Variants in WDR59 observed in about 807,000 individuals in gnomAD.
WDR59 encodes the protein WD repeat domain 59, also known as GATOR2 complex protein WDR59.
In WDR59, 100 loss-of-function variants were observed where a neutral mutation model predicts 131.2. The ratio of observed to expected loss-of-function variants is 0.76; its 90% CI spans 0.65 to 0.90. The LOEUF (loss-of-function observed/expected upper bound fraction) is 0.90, where lower values mean the gene tolerates loss of function less well. WDR59 is among the 40% of genes least tolerant of loss of function. WDR59 has a pLI of 0.00. For synonymous variants in WDR59, 601 were observed against 466.2 expected (o/e 1.29, Z -3.72); for missense variants, 1,203 against 1,262.2 (o/e 0.95, Z 0.71).
Position 74,874,072 on chromosome 16 carries a change from T to C in WDR59, c.*137A>G, listed in dbSNP as rs1296791273. 2.9e-6 allele frequency: 2 copies of C among 687,164 alleles called. No homozygotes were observed. The highest frequency in any genetic ancestry group is 1.8e-5 in the African/African-American group (1 of 55,310). 42.6% of individuals were successfully genotyped at this position (687,164 alleles called of 1,614,324 possible). On this transcript the variant is annotated 3_prime_UTR_variant, in exon 26 of 26. Transcript: ENST00000262144. ...GCAGAGGCCCACCAAGAGCTGATGC[T>C]GCGCAGTCCTTGGGGGATCATCCTC...
intron 5 of WDR59, among the ~76,000 whole-genome samples, chr16:74,949,372 G>A (rs1183207124): frequency 6.8e-6 from 1 of 146,186 alleles, no homozygotes; most frequent in East Asian, 2.0e-4. Flanking sequence ...AAGAAAGAGA[G>A]GAAGGAAGGA....
chr16:74,955,605 T>C (rs1000391748), intron 3 of WDR59, among the ~76,000 whole-genome samples: 4 of 152,120 alleles, frequency 2.6e-5, no homozygotes, highest in African/African-American at 9.7e-5. Context: ...GCAGACTCTA[T>C]TTTGGAAATA....
rs201735826 is a variant in WDR59, at chr16:74,912,302, T to G, written c.1285A>C (p.Met429Leu). 9.9e-6 allele frequency: 16 copies of G among 1,614,180 alleles called. No homozygotes were observed. Among genetic ancestry groups the G allele is most frequent in the Non-Finnish European group, 1.3e-5 (15 of 1,180,032 alleles). Residue 429 changes from methionine (M) to leucine (L), a missense_variant, in exon 14 of 26, where the codon ATG (methionine) becomes CTG (leucine). By Grantham distance (15) the Met-to-Leu change is conservative. Transcript: ENST00000262144. The stretch of plus-strand genomic sequence containing the variant: ...TACTGTGCAGGGAACTTCACCAGCA[T>G]CTTGACACGATGGTTGCTGCAGTGC... ...SVHCSNHRVK[M>L]LVKFPAQYPN...
Position 74,880,845 on chromosome 16 carries a change from A to G in WDR59, c.2689+4808T>C, listed in dbSNP as rs114685236. 2.5e-3 allele frequency among the ~76,000 whole-genome samples: 378 copies of G among 152,380 alleles called. 2 individuals carry two copies. The highest frequency in any genetic ancestry group is 7.4e-3 in the African/African-American group (307 of 41,596). ...AAACTCCAAAGGTGCAGGGTCATAC[A>G]GCTCCAGTTTGTTAACCATACAACA... is the stretch of plus-strand genomic sequence containing the variant. On this transcript the variant is annotated intron_variant, in intron 25 of 25. Coordinates refer to ENST00000262144, the MANE Select transcript of WDR59 (RefSeq NM_030581.4).
intron 25 of WDR59, among the ~76,000 whole-genome samples, chr16:74,879,679 A>G (rs116646435): frequency 0.015 from 2,289 of 152,290 alleles, 41 homozygotes; most frequent in African/African-American, 0.05. Flanking sequence ...CTCTGGAAAT[A>G]GTATCTTGTT....
In WDR59 at chr16:74,966,675, C is replaced by T. The variant is rs1286933686; in HGVS notation, c.55-853G>A. Among the ~76,000 whole-genome samples the T allele has an allele frequency of 2.0e-5, 3 of 152,080 alleles. 1 individual carries two copies. The highest frequency in any genetic ancestry group is 7.2e-5 in the African/African-American group (3 of 41,420). On this transcript the variant is annotated intron_variant, in intron 1 of 25. Coordinates refer to ENST00000262144, the MANE Select transcript of WDR59 (RefSeq NM_030581.4). ...AAAGGGCATGGACTTCTCCTCAAGC[C>T]ATATGGCAGTTGGCAATATTCAGAC...
rs1053473776 is a variant in WDR59 at position 74,889,955 on chromosome 16, G to A, written c.2083-140C>T. 6.7e-6 allele frequency: 4 copies of A among 600,094 alleles called. No homozygotes were observed. In the African/African-American group the frequency reaches 7.4e-5, roughly 11 times the overall value. The allele number at this position is 600,094 out of a possible 1,614,324, so 37.2% of individuals were successfully genotyped here. A position where few individuals can be genotyped will look rare whatever the true frequency, so the allele number is the denominator to read the frequency against. On this transcript the variant is annotated intron_variant, in intron 20 of 25. Coordinates refer to ENST00000262144, the MANE Select transcript of WDR59 (RefSeq NM_030581.4). The stretch of plus-strand genomic sequence containing the variant: ...GCAAAAGCTGGATCCTTATTGAAAT[G>A]CATAAGTTTAGGCCCCACTTAGACC...
Position 74,888,320 on chromosome 16 carries a change from C to G in WDR59, c.2196-1G>C. On this transcript the variant is annotated splice_acceptor_variant, in intron 21 of 25. Coordinates refer to ENST00000262144, the MANE Select transcript of WDR59 (RefSeq NM_030581.4). LOFTEE classifies it high-confidence loss of function. ...CCGGAGCCGGCAATAGTGAGCCAAC[C>G]TGAGGAAAAGATAAGAGGAAAGAAA... The G allele has an allele frequency of 1.2e-6, 2 of 1,611,356 alleles. No homozygotes were observed. Among genetic ancestry groups the G allele is most frequent in the Non-Finnish European group, 1.7e-6 (2 of 1,179,014 alleles).
chr16:74,940,009 T>C (rs1221695693), intron 7 of WDR59, among the ~76,000 whole-genome samples: 2 of 152,106 alleles, frequency 1.3e-5, no homozygotes, highest in Admixed American at 1.3e-4. Context: ...GAGCAGTCTC[T>C]AGAACCAGCC....
intron 2 of WDR59, among the ~76,000 whole-genome samples, chr16:74,958,689 G>C (rs2033424336): frequency 6.7e-6 from 1 of 149,942 alleles, no homozygotes; most frequent in Non-Finnish European, 1.5e-5. Context: ...CCCCCAACTG[G>C]AGGCTTTTGT....
At chr16:74,973,462 T>TTTTCTGTA (rs2034067313) in intron 1 of WDR59, among the ~76,000 whole-genome samples, 1 of 152,084 alleles carries the variant, frequency 6.6e-6, no homozygotes, top group Admixed American at 6.6e-5. Context: ...AAGTTTTTCA[T>TTTTCTGTA]TTTCTGTAGG....
chr16:74,978,658 C>T (rs569171688), intron 1 of WDR59, among the ~76,000 whole-genome samples: 14 of 152,220 alleles, frequency 9.2e-5, no homozygotes, highest in South Asian at 8.3e-4. Flanking sequence ...GTGATGGAAA[C>T]GTTCTACATC....
rs187399018 is a variant in WDR59, at chr16:74,964,118, C to T, written c.104+1655G>A. Among the ~76,000 whole-genome samples, 425 of 152,216 alleles carry T rather than the reference C, an allele frequency of 2.8e-3. 1 individual carries two copies. The highest frequency in any genetic ancestry group is 9.9e-3 in the African/African-American group (412 of 41,548). Reference sequence around the variant, plus strand: ...AATGTGTGCCAAGCACGGTGGCTCACACCTGTAATCCCAGGACTTTGGGAG... The same window carrying T: ...AATGTGTGCCAAGCACGGTGGCTCATACCTGTAATCCCAGGACTTTGGGAG... On this transcript the variant is annotated intron_variant, in intron 2 of 25. Transcript: ENST00000262144.
chr16:74,951,357 C>G (rs912838470), intron 4 of WDR59, 101 bp downstream of exon 4: 2 of 1,192,982 alleles, frequency 1.7e-6, no homozygotes, highest in Non-Finnish European at 2.4e-6. Context: ...CTGTGCAACA[C>G]AGACAGTCAA....
At chr16:74,958,671 G>C (rs962575470) in intron 2 of WDR59, among the ~76,000 whole-genome samples, 1 of 146,108 alleles carries the variant, frequency 6.8e-6, no homozygotes, top group Non-Finnish European at 1.5e-5. Context: ...TGTGAAGCAA[G>C]TTGCTTCCCC....
chr16:74,908,799 T>C (rs1483267466), intron 17 of WDR59, 109 bp downstream of exon 17: 9 of 762,298 alleles, frequency 1.2e-5, no homozygotes, highest in Non-Finnish European at 1.5e-5. Flanking sequence ...GGGAGTTTAC[T>C]GAAGAACTGA....
intron 2 of WDR59, 75 bp downstream of exon 2, chr16:74,965,698 T>G: frequency 6.4e-7 from 1 of 1,558,918 alleles, no homozygotes; most frequent in Non-Finnish European, 8.8e-7. Context: ...AAGAATAGCT[T>G]CCAAGTTCCC....
Position 74,888,315 on chromosome 16 carries a change from C to A in WDR59, c.2200G>T (p.Ala734Ser), listed in dbSNP as rs1196919125. 6.2e-7 allele frequency: 1 copy of A among 1,610,858 alleles called. No individual in the cohort carries two copies. The highest frequency in any genetic ancestry group is 8.5e-7 in the Non-Finnish European group (1 of 1,178,984). The change falls in exon 22 of 26, where the codon GCT becomes TCT. Residue 734 changes from alanine (A) to serine (S), a missense_variant. Ala to Ser is a moderately conservative substitution (Grantham distance 99). Transcript: ENST00000262144. ...ACATCCCGGAGCCGGCAATAGTGAGCCAACCTGAGGAAAAGATAAGAGGAA... is the reference window on the plus strand; with the variant it reads ...ACATCCCGGAGCCGGCAATAGTGAGACAACCTGAGGAAAAGATAAGAGGAA... ...FGRQLLESLL[A>S]HYCRLRDVQT... is the part of the protein sequence containing the mutation.
In WDR59 at chr16:74,971,426, CTTTTTTTTTT is replaced by C. The variant is rs58120924; in HGVS notation, c.55-5614_55-5605del. Among the ~76,000 whole-genome samples the C allele has an allele frequency of 4.4e-5, 4 of 90,186 alleles. No individual in the cohort carries two copies. The Admixed American group carries it at 4.7e-4, about 11-fold the overall frequency. 59.2% of individuals were successfully genotyped at this position (90,186 alleles called of 152,430 possible). A position where few individuals can be genotyped will look rare whatever the true frequency, so the allele number is the denominator to read the frequency against. ...TCAGTTTTCCTTCCTTCTTTCCTTC[CTTTTTTTTTT>C]TTTTTTTTTTTTTTGAGATGGAGTC... On this transcript the variant is annotated intron_variant, in intron 1 of 25. Transcript: ENST00000262144.
Sources: gnomAD v4.1 joint callset for allele counts (sites outside exome capture counted in the v4.1 genomes callset) on GRCh38, gnomAD v4.1.1 for gene constraint, MANE v1.5 for transcripts, NCBI Gene and HGNC (gene_info 2026-07-23, HGNC 2026-07-21) for gene names.